DIAPH2: variants seen among roughly 807,000 people sequenced by gnomAD.
The protein encoded by DIAPH2 is diaphanous related formin 2.
DIAPH2 carries 35 observed loss-of-function variants against 92.7 expected under a neutral mutation model. That is an observed-to-expected ratio of 0.38 (90% CI 0.29 to 0.50). The LOEUF (loss-of-function observed/expected upper bound fraction) is 0.50. DIAPH2 is among the 20% of genes least tolerant of loss of function. DIAPH2 has a pLI of 0.94. For synonymous variants in DIAPH2, 301 were observed against 280.4 expected (o/e 1.07, Z -0.73); for missense variants, 701 against 819.5 (o/e 0.86, Z 1.77).
intron 1 of DIAPH2, among the ~76,000 whole-genome samples, chrX:96,705,800 G>A (rs1333215253): frequency 4.5e-5 from 5 of 111,769 alleles, no homozygotes; most frequent in Admixed American, 9.6e-5. Context: ...CAAGGCCACT[G>A]GGAAAGCTTG....
At chrX:96,686,631 G>C (rs767832864) in intron 1 of DIAPH2, among the ~76,000 whole-genome samples, 3 of 111,616 alleles carry the variant, frequency 2.7e-5, no homozygotes, top group Non-Finnish European at 5.6e-5. Flanking sequence ...GAATCCAAGA[G>C]TTTGTTAATA....
intron 8 of DIAPH2, 145 bp downstream of exon 8, chrX:96,916,719 G>T (rs1324715523): frequency 6.4e-6 from 4 of 620,162 alleles, no homozygotes; most frequent in Non-Finnish European, 9.2e-6. Flanking sequence ...TATCTTGCCT[G>T]TTTATATTTT....
Position 96,928,398 on chromosome X carries a change from G to A in DIAPH2, c.979-2335G>A, listed in dbSNP as rs1174665376. Among the ~76,000 whole-genome samples the A allele has an allele frequency of 5.4e-5, 6 of 111,247 alleles. No individual in the cohort carries two copies. The East Asian group carries it at 1.4e-3, about 26-fold the overall frequency. On this transcript the variant is annotated intron_variant, in intron 9 of 26. Transcript: ENST00000324765. ...ATGGGTTTGTCATGTTTATAATTAAGTAGTAATATATTCTTCCCTTTAAGC... is the reference window on the plus strand; with the variant it reads ...ATGGGTTTGTCATGTTTATAATTAAATAGTAATATATTCTTCCCTTTAAGC...
chrX:97,449,561 A>G (rs1366246225), intron 26 of DIAPH2: 1 of 315,158 alleles, frequency 3.2e-6, no homozygotes, highest in Non-Finnish European at 4.2e-6. Flanking sequence ...GAAACTACCG[A>G]TGGTCATTCA....
rs183675333 is a variant in DIAPH2 at position 96,819,076 on chromosome X, T to A, written c.447+60818T>A. On this transcript the variant is annotated intron_variant, in intron 4 of 26. Coordinates refer to ENST00000324765, the MANE Select transcript of DIAPH2 (RefSeq NM_006729.5). The stretch of plus-strand genomic sequence containing the variant: ...GGTGGAGCTCAGAGAGTAATGCTCA[T>A]TGGCCCGCTGCTCACCTCCTGCTGT... Among the ~76,000 whole-genome samples, 5 of 112,377 alleles carry A rather than the reference T, an allele frequency of 4.4e-5. No individual in the cohort carries two copies. The East Asian group carries it at 1.4e-3, about 32-fold the overall frequency.
At chrX:97,458,782 G>T (rs1484770619) in intron 26 of DIAPH2, among the ~76,000 whole-genome samples, 1 of 111,631 alleles carries the variant, frequency 9.0e-6, no homozygotes, top group African/African-American at 3.3e-5. Context: ...TCAACTATTT[G>T]ATTACATGAA....
At chrX:96,962,288 T>TATATATACAC (rs2065855165) in intron 16 of DIAPH2, among the ~76,000 whole-genome samples, 6 of 63,501 alleles carry the variant, frequency 9.4e-5, no homozygotes, top group Admixed American at 3.7e-4. Context: ...TATATATACA[T>TATATATACAC]ATATATATAT....
At chrX:97,321,544 A>ATTTTTTTTTTTTTTTTTT (rs72265655) in intron 23 of DIAPH2, among the ~76,000 whole-genome samples, 1 of 48,412 alleles carries the variant, frequency 2.1e-5, no homozygotes. Context: ...TTGTGTTGTT[A>ATTTTTTTTTTTTTTTTTT]TTTTTTTTTT....
At chrX:96,751,867 A>T (rs1009398747) in intron 3 of DIAPH2, among the ~76,000 whole-genome samples, 2 of 95,935 alleles carry the variant, frequency 2.1e-5, no homozygotes, top group Admixed American at 1.1e-4. Flanking sequence ...TTTAGCCGGG[A>T]TGGTCTCGAT....
At chrX:97,545,476 A>G (rs1304415034) in intron 26 of DIAPH2, among the ~76,000 whole-genome samples, 1 of 104,622 alleles carries the variant, frequency 9.6e-6, no homozygotes, top group Non-Finnish European at 1.9e-5. Context: ...GCTAAAATGC[A>G]TAGGTAACAA....
chrX:96,973,698 T>G (rs371650882), intron 17 of DIAPH2, among the ~76,000 whole-genome samples: 2 of 91,575 alleles, frequency 2.2e-5, no homozygotes, highest in Non-Finnish European at 4.3e-5. Flanking sequence ...CTTTTTTTTT[T>G]TTTTTTTTTT....
chrX:96,995,643 A>G (rs2066099827), intron 17 of DIAPH2, among the ~76,000 whole-genome samples: 1 of 111,783 alleles, frequency 8.9e-6, no homozygotes, highest in African/African-American at 3.3e-5. Context: ...GACAGTTGAC[A>G]AATGAATGAA....
intron 4 of DIAPH2, among the ~76,000 whole-genome samples, chrX:96,833,446 C>T (rs1343138147): frequency 9.1e-6 from 1 of 110,170 alleles, no homozygotes; most frequent in Non-Finnish European, 1.9e-5. Context: ...TATTCCTTTC[C>T]TCAGCCTTCT....
intron 17 of DIAPH2, among the ~76,000 whole-genome samples, chrX:97,010,628 G>C (rs2066218139): frequency 8.9e-6 from 1 of 111,888 alleles, no homozygotes; most frequent in Admixed American, 9.5e-5. Context: ...AAGAATGGCA[G>C]ATAGTGGCTT....
rs184807970 is a variant in DIAPH2, at chrX:96,955,967, C to A, written c.1615-1861C>A. 9.8e-5 allele frequency among the ~76,000 whole-genome samples: 11 copies of A among 112,663 alleles called. No homozygotes were observed. In the East Asian group the frequency reaches 2.0e-3, roughly 20 times the overall value. Reference sequence around the variant, plus strand: ...GAGGATGGTGGCCCTCTTCTCACAGCTCCACTAGGCAATGCCCCAGTGGGG... The same window carrying A: ...GAGGATGGTGGCCCTCTTCTCACAGATCCACTAGGCAATGCCCCAGTGGGG... On this transcript the variant is annotated intron_variant, in intron 15 of 26. Coordinates refer to ENST00000324765, the MANE Select transcript of DIAPH2 (RefSeq NM_006729.5).
intron 1 of DIAPH2, among the ~76,000 whole-genome samples, chrX:96,705,878 G>A (rs2063882905): frequency 8.9e-6 from 1 of 111,779 alleles, no homozygotes; most frequent in Admixed American, 9.5e-5. Context: ...CAGGCCCTGG[G>A]AATCTGCATT....
intron 4 of DIAPH2, among the ~76,000 whole-genome samples, chrX:96,866,956 G>C (rs987764986): frequency 8.9e-6 from 1 of 111,838 alleles, no homozygotes; most frequent in African/African-American, 3.2e-5. Context: ...ACAGAAATGT[G>C]TGTTTCCTTA....
At chrX:97,263,189 GCTGA>G (rs1396942618) in intron 23 of DIAPH2, among the ~76,000 whole-genome samples, 22 of 111,873 alleles carry the variant, frequency 2.0e-4, no homozygotes, top group African/African-American at 5.8e-4. Flanking sequence ...CTCTATCATA[GCTGA>G]CTATTTCCAG....
intron 12 of DIAPH2, among the ~76,000 whole-genome samples, chrX:96,939,668 A>ATTTT (rs752101731): frequency 8.3e-5 from 4 of 48,246 alleles, no homozygotes; most frequent in Admixed American, 6.0e-4. Context: ...TTTAGGTAAC[A>ATTTT]TTTTTTTTTT....
Sources: gnomAD v4.1 joint callset for allele counts (sites outside exome capture counted in the v4.1 genomes callset) on GRCh38, gnomAD v4.1.1 for gene constraint, MANE v1.5 for transcripts, NCBI Gene and HGNC (gene_info 2026-07-23, HGNC 2026-07-21) for gene names.